PRRC2B: variants seen among roughly 807,000 people sequenced by gnomAD.
PRRC2B encodes the protein proline rich coiled-coil 2B, also known as protein PRRC2B.
PRRC2B carries 68 observed loss-of-function variants against 242.3 expected under a neutral mutation model. That is an observed-to-expected ratio of 0.28 (90% CI 0.23 to 0.34). The LOEUF (loss-of-function observed/expected upper bound fraction) is 0.34. PRRC2B is among the 10% of genes least tolerant of loss of function. The probability of loss-of-function intolerance (pLI) is 1.00; values close to 1 mark genes in which losing one functional copy is unlikely to be tolerated. For missense variants in PRRC2B, 2,835 were observed against 2,954.8 expected (o/e 0.96, Z 0.94); for synonymous variants, 1,228 against 1,173.6 (o/e 1.05, Z -0.95).
rs1283987091 is a variant in PRRC2B, at chr9:131,487,996, A to G, written c.6125A>G (p.Tyr2042Cys). ...GTGAAGCCGCAGTCTGGCTCACCCTACCAGCCCATGAGCGGGAACCAAGCC... is the reference window on the plus strand; with the variant it reads ...GTGAAGCCGCAGTCTGGCTCACCCTGCCAGCCCATGAGCGGGAACCAAGCC... ...EMVKPQSGSP[Y>C]QPMSGNQALV... The change falls in exon 28 of 32, where the codon TAC becomes TGC. Residue 2042 changes from tyrosine (Y) to cysteine (C), a missense_variant. This residue lies in a region of PRRC2B where 574 missense variants were observed against 626.0 expected (regional missense o/e 0.92). Coordinates refer to ENST00000683519, the MANE Select transcript of PRRC2B (RefSeq NM_013318.4). This position sits in a 1 kb window ranked among gnomAD's most constrained non-coding sequence, Gnocchi z 5.3. 6.2e-7 allele frequency: 1 copy of G among 1,612,022 alleles called. No individual in the cohort carries two copies. Among genetic ancestry groups the G allele is most frequent in the African/African-American group, 1.3e-5 (1 of 74,834 alleles).
In PRRC2B at chr9:131,410,624, G is replaced by A. The variant is rs530722103; in HGVS notation, c.-52+16361G>A. Among the ~76,000 whole-genome samples, 61 of 152,320 alleles carry A rather than the reference G, an allele frequency of 4.0e-4. 1 individual carries two copies. In the South Asian group the frequency reaches 5.4e-3, roughly 13 times the overall value. ...CCTTGAACTAGTTATTTAACCTTGC[G>A]GAGCCTTCATGTCTATAAAATGGAA... On this transcript the variant is annotated intron_variant, in intron 1 of 31. Transcript: ENST00000683519.
chr9:131,385,083 CTA>C (rs1836810030), intron 1 of PRRC2B, among the ~76,000 whole-genome samples: 1 of 151,978 alleles, frequency 6.6e-6, no homozygotes, highest in African/African-American at 2.4e-5. Context: ...TCTTGGCTGA[CTA>C]TAACCTCTGC....
At chr9:131,380,477 G>T (rs1212749148) in intron 1 of PRRC2B, among the ~76,000 whole-genome samples, 2 of 151,306 alleles carry the variant, frequency 1.3e-5, no homozygotes, top group Non-Finnish European at 2.9e-5. Flanking sequence ...TACTTGGGAG[G>T]CTGAGGCAGG....
chr9:131,376,582 GATGGGC>G (rs1052173999), intron 1 of PRRC2B, among the ~76,000 whole-genome samples: 1 of 152,134 alleles, frequency 6.6e-6, no homozygotes, highest in African/African-American at 2.4e-5. Flanking sequence ...AGGCCAGAGT[GATGGGC>G]ATGCTTCCCG....
In PRRC2B at chr9:131,483,461, C is replaced by A. The variant is rs139220950; in HGVS notation, c.5460+16C>A. 1,134 of 1,610,912 alleles carry A rather than the reference C, an allele frequency of 7.0e-4. 2 individuals are homozygous for A. In the African/African-American group the frequency reaches 0.011, roughly 15 times the overall value. On this transcript the variant is annotated intron_variant, in intron 23 of 31. Transcript: ENST00000683519. ...GGCCAGTAATGTAAGTCCACACTTC[C>A]ACTTTTGGCTCCACTCACTGCTTGG...
rs1588256622 is a variant in PRRC2B, at chr9:131,447,715, T to G, written c.1031T>G (p.Val344Gly). ...SRPLRPLRQLVERAPRPTIIN... is the reference protein window; with the variant it reads ...SRPLRPLRQLGERAPRPTIIN... ...CCACTCCGCCCACTAAGGCAGCTGG[T>G]GGAGCGGGCACCACGGCCCACCATT... Residue 344 changes from valine (V) to glycine (G), a missense_variant, in exon 9 of 32, where the codon GTG (valine) becomes GGG (glycine). Coordinates refer to ENST00000683519, the MANE Select transcript of PRRC2B (RefSeq NM_013318.4). The G allele has an allele frequency of 6.2e-7, 1 of 1,613,348 alleles. No individual in the cohort carries two copies. Among genetic ancestry groups the G allele is most frequent in the South Asian group, 1.1e-5 (1 of 91,006 alleles).
intron 28 of PRRC2B, chr9:131,490,653 T>C: frequency 1.9e-6 from 1 of 515,268 alleles, no homozygotes. Flanking sequence ...CTCGCATATC[T>C]TGTTCTAGTT....
intron 1 of PRRC2B, among the ~76,000 whole-genome samples, chr9:131,419,878 G>T (rs949482569): frequency 6.6e-6 from 1 of 151,918 alleles, no homozygotes; most frequent in African/African-American, 2.4e-5. Flanking sequence ...ACCCTGGCGC[G>T]GTGGGGGGTG....
chr9:131,437,165 C>T (rs919636681), intron 4 of PRRC2B, among the ~76,000 whole-genome samples: 14 of 152,122 alleles, frequency 9.2e-5, no homozygotes, highest in Non-Finnish European at 1.9e-4. Flanking sequence ...TCCTTTACTG[C>T]GGTACTTCTC....
rs1838216339 is a variant in PRRC2B at position 131,432,652 on chromosome 9, G to A, written c.151G>A (p.Val51Ile). 4 of 1,613,916 alleles carry A rather than the reference G, an allele frequency of 2.5e-6. No homozygotes were observed. The African/African-American group carries it at 5.3e-5, about 22-fold the overall frequency. The stretch of plus-strand genomic sequence containing the variant: ...ACATGGCTTACAGAGTCTTGGGAAA[G>A]TTGCTGCAGCCCGGCGCATGCCACC... The part of the protein sequence containing the change: ...PRHGLQSLGK[V>I]AAARRMPPPA... The change falls in exon 3 of 32, where the codon GTT (valine) becomes ATT (isoleucine). Residue 51 changes from valine (V) to isoleucine (I), a missense_variant. Around this residue, in one of 7 missense-constraint regions of PRRC2B, gnomAD observed 626 missense variants for 685.5 expected, o/e 0.91. Coordinates refer to ENST00000683519, the MANE Select transcript of PRRC2B (RefSeq NM_013318.4).
intron 11 of PRRC2B, among the ~76,000 whole-genome samples, chr9:131,462,864 G>T (rs2131419217): frequency 7.2e-6 from 1 of 139,286 alleles, no homozygotes; most frequent in East Asian, 2.2e-4. Flanking sequence ...AAAGGTCTCA[G>T]TGCAAATTAC....
At chr9:131,454,024 G>A (rs1456473189) in intron 9 of PRRC2B, among the ~76,000 whole-genome samples, 2 of 152,146 alleles carry the variant, frequency 1.3e-5, no homozygotes, top group Admixed American at 1.3e-4. Context: ...CCTGTTGGCA[G>A]GCGCTCTCTC....
chr9:131,469,905 G>C (rs1423403349), intron 13 of PRRC2B, among the ~76,000 whole-genome samples: 1 of 152,166 alleles, frequency 6.6e-6, no homozygotes, highest in Non-Finnish European at 1.5e-5. Context: ...GTTCAGTGAG[G>C]GTTACCAGCA....
At chr9:131,387,950 G>T (rs1176922851) in intron 1 of PRRC2B, among the ~76,000 whole-genome samples, 1 of 150,532 alleles carries the variant, frequency 6.6e-6, no homozygotes, top group East Asian at 2.0e-4. Flanking sequence ...CAGCACTTTG[G>T]GAGGCCCAGG....
intron 1 of PRRC2B, among the ~76,000 whole-genome samples, chr9:131,419,821 G>A (rs1322925576): frequency 6.6e-6 from 1 of 151,964 alleles, no homozygotes; most frequent in Non-Finnish European, 1.5e-5. Context: ...GAGAAGGCTG[G>A]GTGGCGGCGT....
intron 1 of PRRC2B, among the ~76,000 whole-genome samples, chr9:131,384,365 C>T (rs1478514825): frequency 1.3e-5 from 2 of 151,872 alleles, no homozygotes; most frequent in Admixed American, 6.6e-5. Context: ...TCGCTGCAAC[C>T]TCCACCTCCC....
At position 131,494,952 on chromosome 9, in the gene PRRC2B, ACTATTCTCTTCT is replaced by A. The variant is rs1944290736; in HGVS notation, c.6555+476_6555+487del. Among the ~76,000 whole-genome samples, 1 of 152,120 alleles carries A rather than the reference ACTATTCTCTTCT, an allele frequency of 6.6e-6. No individual in the cohort carries two copies. The highest frequency in any genetic ancestry group is 2.4e-5 in the African/African-American group (1 of 41,414). On this transcript the variant is annotated intron_variant, in intron 31 of 31. Coordinates refer to ENST00000683519, the MANE Select transcript of PRRC2B (RefSeq NM_013318.4). The surrounding 1 kb of genome is among the most constrained non-coding windows in gnomAD (Gnocchi z 4.3). ...CATCGCAGTGTCTTTTCCTGCACGC[ACTATTCTCTTCT>A]CTATTCTCTAAAACGTGCTGGGGCT...
chr9:131,464,799 A>C lies in PRRC2B; in HGVS notation c.1441A>C (p.Ile481Leu), dbSNP rs1190603668. ...GGGCAGCATGTTCCGGCAACAGTCC[A>C]TCGAGGACAAGGAGGACAAGCCCCC... is the stretch of plus-strand genomic sequence containing the variant. Reference protein sequence around the residue: ...SMGSMFRQQSIEDKEDKPPPR... With the variant: ...SMGSMFRQQSLEDKEDKPPPR... Residue 481 changes from isoleucine to leucine, a missense_variant, in exon 12 of 32, where the codon ATC (isoleucine) becomes CTC (leucine). Physicochemically the swap from Ile to Leu is conservative, Grantham distance 5. This residue lies in a region of PRRC2B where 626 missense variants were observed against 685.5 expected (regional missense o/e 0.91). Transcript: ENST00000683519. 6 of 1,609,476 alleles carry C rather than the reference A, an allele frequency of 3.7e-6. No individual in the cohort carries two copies. The East Asian group carries it at 8.9e-5, about 24-fold the overall frequency.
chr9:131,485,504 G>A (rs986567030), intron 25 of PRRC2B, among the ~76,000 whole-genome samples: 6 of 152,198 alleles, frequency 3.9e-5, no homozygotes, highest in Non-Finnish European at 8.8e-5. Context: ...GAAACTCCGT[G>A]GGGTGGCCAC....
Sources: allele counts gnomAD v4.1 joint callset (sites outside exome capture counted in the v4.1 genomes callset), GRCh38; gene constraint gnomAD v4.1.1; regional missense constraint gnomAD v4.1.1; non-coding constraint Gnocchi (gnomAD v3.1); transcripts MANE v1.5; gene names NCBI Gene and HGNC (gene_info 2026-07-23, HGNC 2026-07-21).